SHISA9: variants seen among roughly 807,000 people sequenced by gnomAD.
SHISA9 encodes the protein shisa family member 9.
A neutral mutation model predicts 38.0 loss-of-function variants in SHISA9; 13 were observed. That is an observed-to-expected ratio of 0.34 (90% CI 0.22 to 0.54). SHISA9 has a LOEUF of 0.54. Among genes scored for constraint, SHISA9 ranks in the 20% least tolerant of loss-of-function variants. SHISA9 has a pLI of 0.91. For synonymous variants in SHISA9, 275 were observed against 242.0 expected (o/e 1.14, Z -1.27); for missense variants, 538 against 575.8 (o/e 0.93, Z 0.67).
At position 13,027,753 on chromosome 16, in the gene SHISA9, C is replaced by G. The variant is rs193290634; in HGVS notation, c.691+110938C>G. On this transcript the variant is annotated intron_variant, in intron 2 of 4. Coordinates refer to ENST00000558583, the MANE Select transcript of SHISA9 (RefSeq NM_001145204.3). ...ACCAGCCTGGCCGACATGGTGAAAC[C>G]CTGTCTCTACTAAAAGTACAAAAAT... is the stretch of plus-strand genomic sequence containing the variant. Among the ~76,000 whole-genome samples the G allele has an allele frequency of 2.1e-3, 324 of 151,664 alleles. 1 individual carries two copies. Among genetic ancestry groups the G allele is most frequent in the African/African-American group, 7.2e-3 (299 of 41,340 alleles).
the SHISA9 span, among the ~76,000 whole-genome samples, chr16:13,485,232 C>T: frequency 6.6e-6 from 1 of 152,064 alleles, no homozygotes; most frequent in Non-Finnish European, 1.5e-5. Flanking sequence ...TGATCTTCCC[C>T]TCCCTGTGTC....
At chr16:13,067,658 T>A (rs1438453212) in intron 2 of SHISA9, among the ~76,000 whole-genome samples, 3 of 152,196 alleles carry the variant, frequency 2.0e-5, no homozygotes, top group Admixed American at 2.0e-4. Flanking sequence ...AAAAGGAAAA[T>A]TTCAATGCCT....
chr16:13,280,572 G>T, the SHISA9 span, among the ~76,000 whole-genome samples: 2 of 151,572 alleles, frequency 1.3e-5, no homozygotes, highest in Non-Finnish European at 3.0e-5. Flanking sequence ...GAAGTATATT[G>T]TTTATCATCC....
chr16:13,037,082 ACCACAC>A (rs1567190735), intron 2 of SHISA9, among the ~76,000 whole-genome samples: 4 of 62,976 alleles, frequency 6.4e-5, no homozygotes, highest in African/African-American at 1.2e-4. Context: ...ACACACACAC[ACCACAC>A]CACACACACA....
the SHISA9 span, among the ~76,000 whole-genome samples, chr16:13,514,903 T>A: frequency 6.6e-6 from 1 of 151,918 alleles, no homozygotes; most frequent in Non-Finnish European, 1.5e-5. Context: ...AAAATACACA[T>A]TATGTAAAAA....
At chr16:13,137,821 T>A (rs1463761163) in intron 2 of SHISA9, among the ~76,000 whole-genome samples, 1 of 152,196 alleles carries the variant, frequency 6.6e-6, no homozygotes, top group Non-Finnish European at 1.5e-5. Context: ...ATCTAACTAT[T>A]CCTGGGCCCC....
chr16:13,125,644 T>C (rs1259646415), intron 2 of SHISA9, among the ~76,000 whole-genome samples: 1 of 152,196 alleles, frequency 6.6e-6, no homozygotes, highest in African/African-American at 2.4e-5. Context: ...CTTGTAAAAA[T>C]GAAATGTTAA....
chr16:13,101,322 C>T (rs1262492694), intron 2 of SHISA9, among the ~76,000 whole-genome samples: 1 of 152,160 alleles, frequency 6.6e-6, no homozygotes. Context: ...TGTTAATTAG[C>T]TTTATTGTAT....
intron 2 of SHISA9, among the ~76,000 whole-genome samples, chr16:13,023,162 C>T (rs1315858873): frequency 1.3e-5 from 2 of 152,198 alleles, no homozygotes; most frequent in Non-Finnish European, 2.9e-5. Flanking sequence ...AATGCTATCC[C>T]TCCCCAAGTC....
chr16:13,215,677 C>T (rs922731376), intron 4 of SHISA9, among the ~76,000 whole-genome samples: 3 of 152,152 alleles, frequency 2.0e-5, no homozygotes, highest in Non-Finnish European at 4.4e-5. Flanking sequence ...CTACCCAAAC[C>T]AAGCTAACTT....
chr16:13,392,761 G>A, the SHISA9 span, among the ~76,000 whole-genome samples: 2 of 152,166 alleles, frequency 1.3e-5, no homozygotes, highest in Admixed American at 6.6e-5. Context: ...ATGCACACAC[G>A]GAGAACACTG....
chr16:13,266,625 C>G, the SHISA9 span, among the ~76,000 whole-genome samples: 1 of 151,932 alleles, frequency 6.6e-6, no homozygotes, highest in Admixed American at 6.6e-5. Flanking sequence ...GCATTGTAAA[C>G]GAAGAAGAAA....
chr16:12,989,009 G>C (rs1851324943), intron 2 of SHISA9, among the ~76,000 whole-genome samples: 2 of 152,060 alleles, frequency 1.3e-5, no homozygotes, highest in Admixed American at 1.3e-4. Flanking sequence ...TCTGTGTTTT[G>C]TAGATGGAGC....
At chr16:13,469,390 AAAG>A in the SHISA9 span, among the ~76,000 whole-genome samples, 5 of 113,048 alleles carry the variant, frequency 4.4e-5, no homozygotes, top group African/African-American at 1.8e-4. Flanking sequence ...AGAAAGAAAG[AAAG>A]AAAGAAAGAA....
At chr16:13,552,401 G>A in the SHISA9 span, among the ~76,000 whole-genome samples, 1,836 of 152,026 alleles carry the variant, frequency 0.012, 36 homozygotes, top group African/African-American at 0.042. Flanking sequence ...AGCTTCCACC[G>A]AGGTGGGAAG....
At chr16:12,983,489 G>C (rs562729429) in intron 2 of SHISA9, among the ~76,000 whole-genome samples, 2 of 152,302 alleles carry the variant, frequency 1.3e-5, no homozygotes, top group African/African-American at 4.8e-5. Context: ...AGAGCAGAGA[G>C]TGGTTTTGGG....
At chr16:13,555,358 A>G in the SHISA9 span, among the ~76,000 whole-genome samples, 24 of 152,218 alleles carry the variant, frequency 1.6e-4, no homozygotes, top group African/African-American at 4.8e-4. Context: ...GATAATGAAT[A>G]AAGATGGTAT....
At chr16:13,415,890 A>G in the SHISA9 span, among the ~76,000 whole-genome samples, 1 of 152,122 alleles carries the variant, frequency 6.6e-6, no homozygotes, top group Non-Finnish European at 1.5e-5. Context: ...TACATACTGG[A>G]AGATTATATT....
At chr16:12,995,413 T>A (rs1567175892) in intron 2 of SHISA9, among the ~76,000 whole-genome samples, 1 of 152,190 alleles carries the variant, frequency 6.6e-6, no homozygotes, top group Non-Finnish European at 1.5e-5. Flanking sequence ...GCCACACTCA[T>A]GGAGAGGCTG....
Sources: allele counts gnomAD v4.1 joint callset (sites outside exome capture counted in the v4.1 genomes callset), GRCh38; gene constraint gnomAD v4.1.1; transcripts MANE v1.5; gene names NCBI Gene and HGNC (gene_info 2026-07-23, HGNC 2026-07-21).